Variants in CTNNA2 observed in about 807,000 individuals in gnomAD.
The protein encoded by CTNNA2 is catenin alpha-2.
In CTNNA2, 42 loss-of-function variants were observed where a neutral mutation model predicts 101.0. The observed-to-expected ratio is 0.42, with a 90% CI of 0.32 to 0.54. The LOEUF (loss-of-function observed/expected upper bound fraction) is 0.54, where lower values mean the gene tolerates loss of function less well. CTNNA2 is among the 20% of genes least tolerant of loss of function. The pLI is 0.14. For missense variants in CTNNA2, 871 were observed against 1,223.1 expected (o/e 0.71, Z 4.29); for synonymous variants, 450 against 456.4 (o/e 0.99, Z 0.18).
At chr2:80,115,148 G>A (rs1234287633) in intron 7 of CTNNA2, among the ~76,000 whole-genome samples, 2 of 152,206 alleles carry the variant, frequency 1.3e-5, no homozygotes, top group Non-Finnish European at 2.9e-5. Flanking sequence ...AAGAGCTGAG[G>A]CCTGACTGAG....
chr2:79,544,640 C>A (rs1451938313), intron 1 of CTNNA2, among the ~76,000 whole-genome samples: 1 of 152,078 alleles, frequency 6.6e-6, no homozygotes, highest in Non-Finnish European at 1.5e-5. Context: ...GAGAATATGT[C>A]TAGCTTCAGA....
At chr2:80,574,368 A>G (rs1694863039) in intron 13 of CTNNA2, 54 bp downstream of exon 13, 5 of 1,492,632 alleles carry the variant, frequency 3.3e-6, no homozygotes, top group Non-Finnish European at 4.5e-6. Context: ...TAGGAAACTA[A>G]AGAGCTAACT....
At chr2:80,277,954 C>T (rs781741866) in intron 7 of CTNNA2, among the ~76,000 whole-genome samples, 1 of 152,106 alleles carries the variant, frequency 6.6e-6, no homozygotes, top group Admixed American at 6.5e-5. Flanking sequence ...TGCCCCCATC[C>T]TTCAGTCCAT....
chr2:79,729,990 A>C (rs1558878631), intron 2 of CTNNA2, among the ~76,000 whole-genome samples: 1 of 152,174 alleles, frequency 6.6e-6, no homozygotes, highest in East Asian at 1.9e-4. Flanking sequence ...ACTGTAATAA[A>C]ATTATGCAGC....
At chr2:79,579,349 T>C (rs1676006248) in intron 1 of CTNNA2, among the ~76,000 whole-genome samples, 1 of 151,716 alleles carries the variant, frequency 6.6e-6, no homozygotes, top group Non-Finnish European at 1.5e-5. Context: ...ATCCCCCCTG[T>C]GGCCCTAGAA....
At chr2:80,062,980 C>T (rs1291095678) in intron 7 of CTNNA2, among the ~76,000 whole-genome samples, 2 of 152,194 alleles carry the variant, frequency 1.3e-5, no homozygotes, top group Non-Finnish European at 2.9e-5. Context: ...GCTGGGATTA[C>T]AGGCGTGAGC....
At chr2:80,003,376 C>A (rs1173740837) in intron 7 of CTNNA2, among the ~76,000 whole-genome samples, 1 of 152,178 alleles carries the variant, frequency 6.6e-6, no homozygotes, top group Non-Finnish European at 1.5e-5. Context: ...ATAGACTTAA[C>A]TGCCAACAGT....
chr2:79,699,421 G>T (rs1358212777), intron 2 of CTNNA2, among the ~76,000 whole-genome samples: 1 of 151,924 alleles, frequency 6.6e-6, no homozygotes, highest in African/African-American at 2.4e-5. Flanking sequence ...TTGGTTCTTA[G>T]TACAGTGTAA....
chr2:79,679,725 G>A (rs1193708617), intron 2 of CTNNA2, among the ~76,000 whole-genome samples: 2 of 152,002 alleles, frequency 1.3e-5, no homozygotes, highest in Non-Finnish European at 2.9e-5. Flanking sequence ...TGCTTCCTAC[G>A]TCACTGTAGG....
At chr2:79,549,653 C>A (rs1454114548) in intron 1 of CTNNA2, among the ~76,000 whole-genome samples, 1 of 152,050 alleles carries the variant, frequency 6.6e-6, no homozygotes, top group Admixed American at 6.6e-5. Context: ...AAAAAAAATA[C>A]CACATCTGAC....
intron 6 of CTNNA2, among the ~76,000 whole-genome samples, chr2:79,882,236 A>G (rs1683488504): frequency 6.6e-6 from 1 of 152,050 alleles, no homozygotes; most frequent in African/African-American, 2.4e-5. Flanking sequence ...GCTGCCCTTA[A>G]CATTTTTTCC....
intron 1 of CTNNA2, among the ~76,000 whole-genome samples, chr2:79,646,407 C>A (rs185802200): frequency 6.6e-6 from 1 of 152,222 alleles, no homozygotes; most frequent in East Asian, 1.9e-4. Flanking sequence ...CTGATAGCAT[C>A]CTGGCCTGTG....
intron 7 of CTNNA2, among the ~76,000 whole-genome samples, chr2:80,185,616 A>G (rs1706072626): frequency 6.6e-6 from 1 of 152,182 alleles, no homozygotes; most frequent in South Asian, 2.1e-4. Flanking sequence ...TGCATTGCAA[A>G]TTGTAAGTGG....
At chr2:79,699,761 T>C (rs1374696130) in intron 2 of CTNNA2, among the ~76,000 whole-genome samples, 1 of 141,902 alleles carries the variant, frequency 7.0e-6, no homozygotes, top group Non-Finnish European at 1.5e-5. Context: ...TATTTTCCAA[T>C]GAAAATTTAG....
rs1048175218 is a variant in CTNNA2 at position 80,394,678 on chromosome 2, T to G, written c.1137+1387T>G. ...ATATCAGAGCCCTTGGTTTTAGTGTTAGCTCTGCCGCTAAACTGGCAGTGT... is the reference window on the plus strand; with the variant it reads ...ATATCAGAGCCCTTGGTTTTAGTGTGAGCTCTGCCGCTAAACTGGCAGTGT... On this transcript the variant is annotated intron_variant, in intron 8 of 18. Coordinates refer to ENST00000402739, the MANE Select transcript of CTNNA2 (RefSeq NM_001282597.3). 4.6e-5 allele frequency among the ~76,000 whole-genome samples: 7 copies of G among 152,178 alleles called. 1 individual carries two copies. Among genetic ancestry groups the G allele is most frequent in the Non-Finnish European group, 1.5e-5 (1 of 68,034 alleles).
At chr2:79,896,460 G>T (rs374620587) in intron 6 of CTNNA2, among the ~76,000 whole-genome samples, 1 of 152,178 alleles carries the variant, frequency 6.6e-6, no homozygotes, top group Non-Finnish European at 1.5e-5. Context: ...TAGGTTCACT[G>T]TAGTGACCTA....
intron 3 of CTNNA2, among the ~76,000 whole-genome samples, chr2:79,344,272 G>A (rs1229599375): frequency 1.3e-5 from 2 of 152,148 alleles, no homozygotes; most frequent in African/African-American, 2.4e-5. Context: ...TGATGCTTCT[G>A]GAATCCATTT....
At chr2:79,290,543 CA>C (rs1448149826) in intron 2 of CTNNA2, among the ~76,000 whole-genome samples, 1 of 152,110 alleles carries the variant, frequency 6.6e-6, no homozygotes, top group Non-Finnish European at 1.5e-5. Context: ...AAGACCCTAG[CA>C]AACAGAGACA....
rs111238969 is a variant in CTNNA2 at position 79,586,525 on chromosome 2, TTC to T, written c.-5-65025_-5-65024del. Among the ~76,000 whole-genome samples the T allele has an allele frequency of 2.7e-4, 14 of 52,054 alleles. 1 individual carries two copies. The highest frequency in any genetic ancestry group is 9.6e-3 in the Middle Eastern group (1 of 104). 34.1% of individuals were successfully genotyped at this position (52,054 alleles called of 152,430 possible). A position where few individuals can be genotyped will look rare whatever the true frequency, so the allele number is the denominator to read the frequency against. ...TGTTTAGGTTTTCTTTTCTTTTCTTTTCTTTTTTTTTAGCACTTTTTCTTTTT... is the reference window on the plus strand; with the variant it reads ...TGTTTAGGTTTTCTTTTCTTTTCTTTTTTTTTTTTAGCACTTTTTCTTTTT... On this transcript the variant is annotated intron_variant, in intron 1 of 18. Transcript: ENST00000402739.
Sources: allele counts gnomAD v4.1 joint callset (sites outside exome capture counted in the v4.1 genomes callset), GRCh38; gene constraint gnomAD v4.1.1; transcripts MANE v1.5; gene names NCBI Gene and HGNC (gene_info 2026-07-23, HGNC 2026-07-21).